Variants in ABCB1 observed in about 807,000 individuals in gnomAD.
The protein encoded by ABCB1 is ATP-dependent translocase ABCB1.
In ABCB1, 69 loss-of-function variants were observed where a neutral mutation model predicts 142.0. That is an observed-to-expected ratio of 0.49 (90% CI 0.40 to 0.59). The LOEUF is 0.59. Among genes scored for constraint, ABCB1 ranks in the 20% least tolerant of loss-of-function variants. The pLI, the probability that ABCB1 is intolerant of heterozygous loss-of-function variation, is 0.00. For synonymous variants in ABCB1, 532 were observed against 539.2 expected, an observed-to-expected ratio of 0.99 and a Z score of 0.18; for missense variants, 1,326 against 1,554.7, an observed-to-expected ratio of 0.85 and a Z score of 2.47.
chr7:87,568,266 T>TAATAATAATAATAATAATA (rs377151956), intron 5 of ABCB1, among the ~76,000 whole-genome samples: 1 of 145,644 alleles, frequency 6.9e-6, no homozygotes, highest in African/African-American at 2.6e-5. Flanking sequence ...ATAATAATAA[T>TAATAATAATAATAATAATA]AAAAATTAGC....
intron 1 of ABCB1, among the ~76,000 whole-genome samples, chr7:87,673,788 C>G (rs564940540): frequency 1.3e-4 from 20 of 152,310 alleles, no homozygotes; most frequent in African/African-American, 4.8e-4. Context: ...GACACTCTGG[C>G]TGTTTGAGTT....
At chr7:87,658,104 C>T (rs1047994787) in intron 1 of ABCB1, among the ~76,000 whole-genome samples, 4 of 152,086 alleles carry the variant, frequency 2.6e-5, no homozygotes, top group Non-Finnish European at 4.4e-5. Context: ...GTGTTAGAAT[C>T]ACTGACAAAG....
intron 8 of ABCB1, among the ~76,000 whole-genome samples, chr7:87,560,489 A>T (rs113679151): frequency 3.9e-5 from 6 of 152,106 alleles, no homozygotes; most frequent in East Asian, 1.9e-4. Flanking sequence ...ACAACTTCTC[A>T]TCTTCCCTAG....
At chr7:87,608,788 AC>A (rs2130042430) in intron 1 of ABCB1, among the ~76,000 whole-genome samples, 1 of 152,330 alleles carries the variant, frequency 6.6e-6, no homozygotes, top group South Asian at 2.1e-4. Flanking sequence ...TCTTTAGAAC[AC>A]TTAGTATTAT....
intron 4 of ABCB1, among the ~76,000 whole-genome samples, chr7:87,584,127 C>T (rs1243802606): frequency 6.6e-6 from 1 of 152,076 alleles, no homozygotes; most frequent in African/African-American, 2.4e-5. Context: ...CTCAAACATA[C>T]AAAAATTTTT....
chr7:87,521,661 G>A (rs1815515192), intron 21 of ABCB1: 8 of 842,794 alleles, frequency 9.5e-6, no homozygotes, highest in Non-Finnish European at 1.6e-5. Flanking sequence ...CCACTGTGGA[G>A]GAGGTGGATG....
At chr7:87,635,593 A>C (rs1430620658) in intron 1 of ABCB1, among the ~76,000 whole-genome samples, 1 of 152,174 alleles carries the variant, frequency 6.6e-6, no homozygotes, top group Non-Finnish European at 1.5e-5. Flanking sequence ...TTCTAGCTCT[A>C]CTATGCCACT....
chr7:87,710,577 C>G (rs773095108), intron 1 of ABCB1: 2 of 1,573,674 alleles, frequency 1.3e-6, no homozygotes, highest in Non-Finnish European at 1.7e-6. Flanking sequence ...TAGGGTAGAG[C>G]CTGGATCAGA....
intron 26 of ABCB1, among the ~76,000 whole-genome samples, chr7:87,506,574 T>C (rs1396666418): frequency 6.6e-6 from 1 of 152,174 alleles, no homozygotes; most frequent in Non-Finnish European, 1.5e-5. Context: ...CATTTTGATA[T>C]CTAACTTTGA....
chr7:87,710,734 A>G, intron 1 of ABCB1: 1 of 723,306 alleles, frequency 1.4e-6, no homozygotes, highest in Non-Finnish European at 2.3e-6. Flanking sequence ...AGGATGAAGA[A>G]TCAATTTCTA....
chr7:87,539,591 G>C (rs949825436), intron 18 of ABCB1, among the ~76,000 whole-genome samples: 1 of 152,144 alleles, frequency 6.6e-6, no homozygotes, highest in African/African-American at 2.4e-5. Context: ...ACAGTTATAA[G>C]GTCACAGAGT....
chr7:87,552,365 G>A (rs999632465), intron 9 of ABCB1, among the ~76,000 whole-genome samples: 1 of 152,176 alleles, frequency 6.6e-6, no homozygotes, highest in Non-Finnish European at 1.5e-5. Flanking sequence ...AAAACACGCT[G>A]AAAGTTAGGG....
chr7:87,516,731 C>CTTTTTTTTTTTTGTTTTT (rs1815267408), intron 23 of ABCB1, 66 bp from the exon 24 acceptor site: 1 of 642,604 alleles, frequency 1.6e-6, no homozygotes, highest in Non-Finnish European at 2.1e-6. Context: ...GCTGACACTC[C>CTTTTTTTTTTTTGTTTTT]TTTTTTTTTT....
At chr7:87,659,381 T>G (rs1413550427) in intron 1 of ABCB1, among the ~76,000 whole-genome samples, 1 of 152,184 alleles carries the variant, frequency 6.6e-6, no homozygotes, top group Non-Finnish European at 1.5e-5. Context: ...TGTATCTCTT[T>G]ATATAGATTT....
At chr7:87,693,670 C>T (rs545243307) in intron 1 of ABCB1, among the ~76,000 whole-genome samples, 1 of 152,156 alleles carries the variant, frequency 6.6e-6, no homozygotes, top group East Asian at 1.9e-4. Context: ...ATATTTTTGA[C>T]TTACAGACAC....
chr7:87,628,750 G>A, intron 1 of ABCB1: 1 of 957,640 alleles, frequency 1.0e-6, no homozygotes, highest in Non-Finnish European at 1.4e-6. Flanking sequence ...CGGACCGAGC[G>A]AGAACCCCCT....
chr7:87,628,742 G>T (rs1820869130), intron 1 of ABCB1: 2 of 876,592 alleles, frequency 2.3e-6, no homozygotes, highest in South Asian at 5.9e-5. Flanking sequence ...CACGGTTGCG[G>T]ACCGAGCGAG....
chr7:87,628,953 A>G, intron 1 of ABCB1: 1 of 1,309,164 alleles, frequency 7.6e-7, no homozygotes, highest in Non-Finnish European at 9.8e-7. Flanking sequence ...CAGGTACGGC[A>G]GCGCAGGGCG....
intron 21 of ABCB1, among the ~76,000 whole-genome samples, chr7:87,523,235 G>T (rs1815604436): frequency 6.6e-6 from 1 of 152,058 alleles, no homozygotes; most frequent in Non-Finnish European, 1.5e-5. Flanking sequence ...GCCTCAGTCT[G>T]CCAAGTAGCT....
Sources: gnomAD v4.1 joint callset for allele counts (sites outside exome capture counted in the v4.1 genomes callset) on GRCh38, gnomAD v4.1.1 for gene constraint, MANE v1.5 for transcripts, NCBI Gene and HGNC (gene_info 2026-07-23, HGNC 2026-07-21) for gene names.